Variants in RPS6KA2 observed in about 807,000 individuals in gnomAD.
The protein encoded by RPS6KA2 is ribosomal protein S6 kinase A2.
In RPS6KA2, 42 loss-of-function variants were observed where a neutral mutation model predicts 91.8. The observed-to-expected ratio is 0.46, with a 90% CI of 0.36 to 0.59. The LOEUF is 0.59. Among genes scored for constraint, RPS6KA2 ranks in the 20% least tolerant of loss-of-function variants. RPS6KA2 has a pLI of 0.00. For synonymous variants in RPS6KA2, 414 were observed against 393.6 expected (o/e 1.05, Z -0.61); for missense variants, 798 against 978.5 (o/e 0.82, Z 2.46).
chr6:166,461,364 G>A (rs946454849), intron 11 of RPS6KA2, among the ~76,000 whole-genome samples: 10 of 152,072 alleles, frequency 6.6e-5, no homozygotes, highest in Admixed American at 1.3e-4. Context: ...GGGAAGCCCA[G>A]GCCATCGGGT....
chr6:166,479,128 T>C (rs1444722500), intron 10 of RPS6KA2, among the ~76,000 whole-genome samples: 8 of 152,340 alleles, frequency 5.3e-5, no homozygotes, highest in African/African-American at 1.7e-4. Context: ...TTGTGCCTCA[T>C]CTGCTTCTCT....
At chr6:166,468,856 TAA>T (rs1554277712) in intron 11 of RPS6KA2, among the ~76,000 whole-genome samples, 30 of 112,146 alleles carry the variant, frequency 2.7e-4, no homozygotes, top group South Asian at 1.6e-3. Context: ...AGAGCGAGAC[TAA>T]AAAAAAAAAA....
intron 2 of RPS6KA2, among the ~76,000 whole-genome samples, chr6:166,689,471 G>C (rs929488783): frequency 6.6e-6 from 1 of 152,206 alleles, no homozygotes; most frequent in Admixed American, 6.5e-5. Flanking sequence ...GAAAAAATAA[G>C]TAAGGATCCC....
At chr6:166,444,717 G>A (rs146667222) in intron 14 of RPS6KA2, among the ~76,000 whole-genome samples, 4 of 152,336 alleles carry the variant, frequency 2.6e-5, no homozygotes, top group Non-Finnish European at 4.4e-5. Flanking sequence ...GTTGTTTGCC[G>A]AAGTCGAGAG....
intron 20 of RPS6KA2, among the ~76,000 whole-genome samples, chr6:166,413,301 A>G (rs1264028547): frequency 6.6e-6 from 1 of 152,158 alleles, no homozygotes; most frequent in Non-Finnish European, 1.5e-5. Context: ...ACTGTTGAGG[A>G]GTCTGGACTC....
At chr6:166,578,510 T>G (rs906042722) in intron 1 of RPS6KA2, among the ~76,000 whole-genome samples, 9 of 152,238 alleles carry the variant, frequency 5.9e-5, no homozygotes, top group African/African-American at 1.9e-4. Context: ...TGCTTTGGCC[T>G]TAGGGCTGTG....
intron 1 of RPS6KA2, among the ~76,000 whole-genome samples, chr6:166,605,387 C>T (rs778572014): frequency 4.6e-5 from 7 of 152,120 alleles, no homozygotes; most frequent in South Asian, 4.1e-4. Context: ...GCCTAAAATA[C>T]GAATGAGACT....
At chr6:166,515,258 C>T (rs898326808) in intron 3 of RPS6KA2, among the ~76,000 whole-genome samples, 19 of 152,114 alleles carry the variant, frequency 1.2e-4, no homozygotes, top group Admixed American at 1.2e-3. Flanking sequence ...CTGCAGGAGG[C>T]CGCTGGTGGA....
At chr6:166,724,846 G>C (rs1038863155) in intron 2 of RPS6KA2, among the ~76,000 whole-genome samples, 3 of 152,192 alleles carry the variant, frequency 2.0e-5, no homozygotes, top group Non-Finnish European at 4.4e-5. Context: ...TAGTCTGAAA[G>C]ATAAACAAGT....
chr6:166,785,959 T>G lies in RPS6KA2; in HGVS notation c.123+72241A>C, dbSNP rs553239605. Among the ~76,000 whole-genome samples, 388 of 152,302 alleles carry G rather than the reference T, an allele frequency of 2.5e-3. 2 individuals are homozygous for G. The highest frequency in any genetic ancestry group is 4.2e-3 in the Non-Finnish European group (283 of 68,024). On this transcript the variant is annotated intron_variant, in intron 2 of 21. Transcript: ENST00000503859. ...AAATAGCAGATAATAATCAATTAAA[T>G]AACATTTGGTTTTATTTTCTTTTTA... is the stretch of plus-strand genomic sequence containing the variant.
intron 1 of RPS6KA2, among the ~76,000 whole-genome samples, chr6:166,552,508 T>A (rs980291395): frequency 3.3e-5 from 5 of 152,122 alleles, no homozygotes; most frequent in African/African-American, 1.2e-4. Flanking sequence ...GTGTTCAAGA[T>A]CAAAAGAAAT....
chr6:166,688,399 C>A (rs1463037454), intron 2 of RPS6KA2, among the ~76,000 whole-genome samples: 4 of 152,226 alleles, frequency 2.6e-5, no homozygotes, highest in Non-Finnish European at 4.4e-5. Context: ...CTGCTCATCC[C>A]CGGCCTTGCC....
intron 1 of RPS6KA2, among the ~76,000 whole-genome samples, chr6:166,559,225 G>A (rs77135471): frequency 0.02 from 3,024 of 152,268 alleles, 103 homozygotes; most frequent in African/African-American, 0.07. Context: ...CAGAACTACC[G>A]TATCATTCTG....
chr6:166,422,528 T>C (rs1046574204), intron 17 of RPS6KA2, among the ~76,000 whole-genome samples: 2 of 152,154 alleles, frequency 1.3e-5, no homozygotes, highest in South Asian at 2.1e-4. Flanking sequence ...CCCTGTCCCA[T>C]TGGCAACATC....
chr6:166,611,684 A>G (rs896377222), intron 1 of RPS6KA2, among the ~76,000 whole-genome samples: 2 of 152,180 alleles, frequency 1.3e-5, no homozygotes, highest in African/African-American at 4.8e-5. Flanking sequence ...CAGGGCTCCA[A>G]TCTCATTTCT....
chr6:166,757,601 G>A (rs1318794707), intron 2 of RPS6KA2: 14 of 456,102 alleles, frequency 3.1e-5, no homozygotes, highest in Non-Finnish European at 4.8e-5. Context: ...GGTCCCGGGG[G>A]CCGGGCTCCC....
intron 2 of RPS6KA2, among the ~76,000 whole-genome samples, chr6:166,664,204 C>G (rs1195785761): frequency 3.9e-5 from 6 of 152,350 alleles, no homozygotes; most frequent in African/African-American, 1.4e-4. Flanking sequence ...AAACATTACC[C>G]TGAAGTTTCT....
chr6:166,477,849 T>C (rs1781033276), intron 10 of RPS6KA2, among the ~76,000 whole-genome samples: 1 of 152,084 alleles, frequency 6.6e-6, no homozygotes, highest in Non-Finnish European at 1.5e-5. Flanking sequence ...CAACTGAGAC[T>C]GAAGTGAGTC....
chr6:166,751,171 C>T (rs993462049), intron 2 of RPS6KA2, among the ~76,000 whole-genome samples: 4 of 152,198 alleles, frequency 2.6e-5, no homozygotes, highest in East Asian at 1.9e-4. Flanking sequence ...CCAAGTCAGC[C>T]GGAAGTTTTG....
Sources: gnomAD v4.1 joint callset for allele counts (sites outside exome capture counted in the v4.1 genomes callset) on GRCh38, gnomAD v4.1.1 for gene constraint, MANE v1.5 for transcripts, NCBI Gene and HGNC (gene_info 2026-07-23, HGNC 2026-07-21) for gene names.